The following PAFAH1B2 variants were observed in gnomAD, a reference collection of about 807,000 sequenced individuals.
PAFAH1B2 encodes platelet activating factor acetylhydrolase 1b catalytic subunit 2.
A neutral mutation model predicts 28.0 loss-of-function variants in PAFAH1B2; 8 were observed. The observed-to-expected ratio is 0.29, with a 90% CI of 0.17 to 0.52. The LOEUF (loss-of-function observed/expected upper bound fraction) is 0.52. Ranked by LOEUF, PAFAH1B2 falls within the 20% of genes least tolerant of loss-of-function variation. The pLI, the probability that PAFAH1B2 is intolerant of heterozygous loss-of-function variation, is 0.97. For missense variants in PAFAH1B2, 190 were observed against 282.6 expected (o/e 0.67, Z 2.35); for synonymous variants, 104 against 103.2 (o/e 1.01, Z -0.05).
exon 6 of PAFAH1B2, chr11:117,176,079 G>C (rs1345229987): frequency 2.0e-5 from 15 of 739,496 alleles, no homozygotes; most frequent in Non-Finnish European, 3.5e-5. Context: ...AGATGTGCTG[G>C]AAACAGTACT....
At chr11:117,145,944 G>C (rs558175244) in intron 1 of PAFAH1B2, among the ~76,000 whole-genome samples, 1 of 152,300 alleles carries the variant, frequency 6.6e-6, no homozygotes, top group African/African-American at 2.4e-5. Context: ...GTCATAGTAA[G>C]TAGAGAATAT....
At chr11:117,174,996 T>C (rs2029895296), downstream of PAFAH1B2, 1 of 1,455,520 alleles carries the variant, frequency 6.9e-7, no homozygotes, top group Non-Finnish European at 9.0e-7. Context: ...ATAAATCCCC[T>C]GTGACTTAAA....
intron 2 of PAFAH1B2, among the ~76,000 whole-genome samples, chr11:117,158,030 C>T (rs778646188): frequency 2.6e-5 from 4 of 151,858 alleles, no homozygotes; most frequent in Non-Finnish European, 5.9e-5. Context: ...CCCAGCTACT[C>T]GGGAGGCTGA....
downstream of PAFAH1B2, chr11:117,174,813 C>G (rs1053863239): frequency 2.4e-6 from 2 of 829,818 alleles, no homozygotes; most frequent in Non-Finnish European, 3.6e-6. Flanking sequence ...CGGGCTTTTA[C>G]CATGTTGGCC....
intron 3 of PAFAH1B2, among the ~76,000 whole-genome samples, chr11:117,160,313 T>C (rs1030987772): frequency 3.9e-5 from 6 of 152,232 alleles, no homozygotes; most frequent in African/African-American, 1.4e-4. Context: ...GTCAAGTTAT[T>C]ATTTGTATCT....
chr11:117,169,164 C>T lies in PAFAH1B2; in HGVS notation c.*1465C>T, dbSNP rs1956588606. On this transcript the variant is annotated 3_prime_UTR_variant, in exon 6 of 6. Transcript: ENST00000527958. The stretch of plus-strand genomic sequence containing the variant: ...CTGTGGGGAAACAAGTGAAGCTGCT[C>T]TTCAGCATAGACACTACCTTTATCC... 2 of 1,027,982 alleles carry T rather than the reference C, an allele frequency of 1.9e-6. No homozygotes were observed. Among genetic ancestry groups the T allele is most frequent in the Non-Finnish European group, 1.2e-6 (1 of 855,634 alleles). The allele number at this position is 1,027,982 out of a possible 1,614,324, so 63.7% of individuals were successfully genotyped here.
At chr11:117,162,767 T>C (rs1051147651) in intron 4 of PAFAH1B2, among the ~76,000 whole-genome samples, 1 of 151,716 alleles carries the variant, frequency 6.6e-6, no homozygotes, top group African/African-American at 2.4e-5. Flanking sequence ...AATAAATAAA[T>C]AGAAAAATTT....
rs71469127 is a variant in PAFAH1B2 at position 117,168,446 on chromosome 11, GTTTTTT to G, written c.*767_*772del. The G allele has an allele frequency of 2.1e-3, 502 of 235,820 alleles. 10 individuals are homozygous for G. The African/African-American group carries it at 0.024, about 11-fold the overall frequency. The allele number at this position is 235,820 out of a possible 1,614,324, so 14.6% of individuals were successfully genotyped here. A position where few individuals can be genotyped will look rare whatever the true frequency, so the allele number is the denominator to read the frequency against. On this transcript the variant is annotated 3_prime_UTR_variant, in exon 6 of 6. Coordinates refer to ENST00000527958, the MANE Select transcript of PAFAH1B2 (RefSeq NM_002572.4). Reference sequence around the variant, plus strand: ...TCCCCTTCATTCCCCCCGCCACCCCGTTTTTTTTTTTTTTTTTTTTTTTTTGGTTCT... The same window carrying G: ...TCCCCTTCATTCCCCCCGCCACCCCGTTTTTTTTTTTTTTTTTTTGGTTCT...
In PAFAH1B2 at chr11:117,171,003, G is replaced by C; in HGVS notation, c.*3304G>C. ...TTCATTGACTAGTAGAACTCATTCT[G>C]TTTTAGTGTATATTTCAATATAAAT... is the stretch of plus-strand genomic sequence containing the variant. On this transcript the variant is annotated 3_prime_UTR_variant, in exon 6 of 6. Transcript: ENST00000527958. 9.6e-7 allele frequency: 1 copy of C among 1,043,050 alleles called. No homozygotes were observed. 64.6% of individuals were successfully genotyped at this position (1,043,050 alleles called of 1,614,324 possible).
At position 117,146,082 on chromosome 11, in the gene PAFAH1B2, C is replaced by T. The variant is rs183508491; in HGVS notation, c.-8+1664C>T. ...AAATTAACAAAACTTGTTCTTCAGA[C>T]CTTTTATTTGCATTCTGCTTGGTCT... On this transcript the variant is annotated intron_variant, in intron 1 of 5. Transcript: ENST00000527958. Among the ~76,000 whole-genome samples the T allele has an allele frequency of 2.6e-3, 390 of 151,394 alleles. 1 individual carries two copies. The highest frequency in any genetic ancestry group is 8.9e-3 in the African/African-American group (367 of 41,244).
At chr11:117,150,913 G>T (rs1591732328) in intron 1 of PAFAH1B2, among the ~76,000 whole-genome samples, 1 of 151,250 alleles carries the variant, frequency 6.6e-6, no homozygotes, top group African/African-American at 2.4e-5. Flanking sequence ...GCGTGAACCC[G>T]GGAGGCGGAG....
chr11:117,158,129 T>C (rs1591742037), intron 2 of PAFAH1B2, among the ~76,000 whole-genome samples: 1 of 152,140 alleles, frequency 6.6e-6, no homozygotes, highest in Non-Finnish European at 1.5e-5. Flanking sequence ...TAAAGTGAGA[T>C]TCCATCTCCA....
downstream of PAFAH1B2, chr11:117,171,625 A>G (rs749147417): frequency 3.2e-5 from 40 of 1,243,634 alleles, no homozygotes; most frequent in Middle Eastern, 1.8e-4. Flanking sequence ...TCCCCAGGGT[A>G]AAGCAGCCGC....
At chr11:117,162,538 G>A (rs1591747229) in intron 4 of PAFAH1B2, among the ~76,000 whole-genome samples, 1 of 149,036 alleles carries the variant, frequency 6.7e-6, no homozygotes, top group South Asian at 2.1e-4. Context: ...GCTGAGGCAC[G>A]CAGATCACTT....
At chr11:117,152,670 A>G (rs972304888) in intron 2 of PAFAH1B2, 142 bp downstream of exon 2, 2 of 649,224 alleles carry the variant, frequency 3.1e-6, no homozygotes, top group Admixed American at 4.9e-5. Context: ...CTCCCACTTC[A>G]GCCTCCCATA....
Position 117,168,428 on chromosome 11 carries a change from CA to C in PAFAH1B2, c.*730del, listed in dbSNP as rs1956561754. 2.6e-6 allele frequency: 2 copies of C among 756,438 alleles called. No individual in the cohort carries two copies. The highest frequency in any genetic ancestry group is 7.4e-5 in the Admixed American group (1 of 13,508). 46.9% of individuals were successfully genotyped at this position (756,438 alleles called of 1,614,324 possible). The stretch of plus-strand genomic sequence containing the variant: ...CCCCTTCATGCCCCCCTTTCCCCTT[CA>C]TTCCCCCCGCCACCCCGTTTTTTTT... On this transcript the variant is annotated 3_prime_UTR_variant, in exon 6 of 6. Transcript: ENST00000527958.
chr11:117,152,417 C>G (rs1956172515), intron 1 of PAFAH1B2, 24 bp from the exon 2 acceptor site: 1 of 1,445,464 alleles, frequency 6.9e-7, no homozygotes, highest in Non-Finnish European at 9.7e-7. Flanking sequence ...ACAAATGAAA[C>G]ATGACATAGA....
intron 2 of PAFAH1B2, among the ~76,000 whole-genome samples, chr11:117,155,344 C>G (rs544384488): frequency 5.9e-5 from 9 of 152,202 alleles, no homozygotes; most frequent in Non-Finnish European, 8.8e-5. Context: ...AAATAAGGCT[C>G]AGCAGCAGAC....
chr11:117,157,032 C>CAAAAAAAA (rs201278098), intron 2 of PAFAH1B2, among the ~76,000 whole-genome samples: 1 of 67,740 alleles, frequency 1.5e-5, no homozygotes. Flanking sequence ...CTCAAAATCT[C>CAAAAAAAA]AAAAAAGAAA....
Sources: gnomAD v4.1 joint callset for allele counts (sites outside exome capture counted in the v4.1 genomes callset) on GRCh38, gnomAD v4.1.1 for gene constraint, MANE v1.5 for transcripts, NCBI Gene and HGNC (gene_info 2026-07-23, HGNC 2026-07-21) for gene names.